TRUB1: variants seen among roughly 807,000 people sequenced by gnomAD.
TRUB1 encodes the protein TruB pseudouridine synthase family member 1.
In TRUB1, 23 loss-of-function variants were observed where a neutral mutation model predicts 33.9. The ratio of observed to expected loss-of-function variants is 0.68; its 90% CI spans 0.49 to 0.96. The LOEUF is 0.96. Among genes scored for constraint, TRUB1 ranks in the 40% least tolerant of loss-of-function variants. The pLI, the probability that TRUB1 is intolerant of heterozygous loss-of-function variation, is 0.00. For synonymous variants in TRUB1, 163 were observed against 165.4 expected (o/e 0.99, Z 0.11); for missense variants, 378 against 422.2 (o/e 0.90, Z 0.92).
At position 114,938,216 on chromosome 10, in the gene TRUB1, T is replaced by G. The variant is rs1465299328; in HGVS notation, c.-38T>G. 2 of 1,604,406 alleles carry G rather than the reference T, an allele frequency of 1.2e-6. No homozygotes were observed. The highest frequency in any genetic ancestry group is 2.2e-5 in the South Asian group (2 of 89,490). ...GCGCACTCTTGTTGCATCATCAGCG[T>G]GCACCTCCACGATGAAACAGGTCTG... On this transcript the variant is annotated 5_prime_UTR_variant, in exon 1 of 8. Coordinates refer to ENST00000298746, the MANE Select transcript of TRUB1 (RefSeq NM_139169.5).
chr10:114,948,844 T>C (rs74501219), intron 2 of TRUB1, among the ~76,000 whole-genome samples: 1 of 152,242 alleles, frequency 6.6e-6, no homozygotes, highest in Non-Finnish European at 1.5e-5. Flanking sequence ...CTGTGTTCAG[T>C]TGATAAACCT....
intron 2 of TRUB1, among the ~76,000 whole-genome samples, chr10:114,949,785 G>T (rs191906290): frequency 3.3e-5 from 5 of 152,072 alleles, no homozygotes; most frequent in Admixed American, 2.6e-4. Context: ...AGACCATTTG[G>T]TTTGAATCTT....
At chr10:114,952,204 C>T (rs1035981837) in intron 3 of TRUB1, among the ~76,000 whole-genome samples, 2 of 152,018 alleles carry the variant, frequency 1.3e-5, no homozygotes, top group East Asian at 1.9e-4. Context: ...TTTGGAAGGC[C>T]GAGGCGGGCA....
chr10:114,951,042 A>C, intron 2 of TRUB1, 52 bp from the exon 3 acceptor site: 1 of 1,502,778 alleles, frequency 6.7e-7, no homozygotes, highest in Non-Finnish European at 9.2e-7. Context: ...GCTATTTTAA[A>C]AACCTAGTTT....
At chr10:114,974,305 A>T in intron 6 of TRUB1, 24 bp from the exon 7 acceptor site, 1 of 1,600,142 alleles carries the variant, frequency 6.2e-7, no homozygotes, top group South Asian at 1.1e-5. Flanking sequence ...TTAGCAATTT[A>T]CTATGTCACT....
chr10:114,947,764 C>T (rs2084217333), intron 2 of TRUB1, among the ~76,000 whole-genome samples: 1 of 152,084 alleles, frequency 6.6e-6, no homozygotes, highest in South Asian at 2.1e-4. Flanking sequence ...TAACCATTTC[C>T]CTATTTGAGG....
chr10:114,972,359 C>T (rs887876684), intron 6 of TRUB1, 85 bp downstream of exon 6: 11 of 1,390,100 alleles, frequency 7.9e-6, no homozygotes, highest in East Asian at 4.9e-5. Flanking sequence ...TTAATAGATC[C>T]GTAGGATGTT....
intron 5 of TRUB1, among the ~76,000 whole-genome samples, chr10:114,971,577 T>G (rs1241164335): frequency 1.3e-5 from 2 of 152,166 alleles, no homozygotes; most frequent in African/African-American, 4.8e-5. Context: ...TTATTTATAT[T>G]TATGTATAAG....
intron 1 of TRUB1, among the ~76,000 whole-genome samples, chr10:114,938,921 A>G (rs536610480): frequency 6.6e-6 from 1 of 152,340 alleles, no homozygotes; most frequent in South Asian, 2.1e-4. Flanking sequence ...CTCAAAATGT[A>G]TTGGAAATGC....
intron 7 of TRUB1, 144 bp from the exon 8 acceptor site, chr10:114,974,979 G>C (rs765122708): frequency 1.9e-5 from 16 of 821,158 alleles, no homozygotes; most frequent in Non-Finnish European, 2.7e-5. Flanking sequence ...TTTATCTGAG[G>C]CCTCTTGGTT....
intron 2 of TRUB1, among the ~76,000 whole-genome samples, chr10:114,949,400 CTG>C (rs2084224437): frequency 6.6e-6 from 1 of 152,264 alleles, no homozygotes; most frequent in Non-Finnish European, 1.5e-5. Flanking sequence ...TGAGGACAGA[CTG>C]TTTTTGATCT....
intron 2 of TRUB1, among the ~76,000 whole-genome samples, chr10:114,948,662 C>T (rs1226797126): frequency 2.6e-5 from 4 of 152,198 alleles, no homozygotes; most frequent in Non-Finnish European, 5.9e-5. Flanking sequence ...CACCTCACTT[C>T]AATGGCATTT....
In TRUB1 at chr10:114,942,669, G is replaced by A; in HGVS notation, c.311G>A (p.Trp104Ter). ...LAEAGMPSPE[W>*]TKRKKQTLKI... ...GAAGCTGGAATGCCTTCTCCAGAAT[G>A]GACCAAGAGGAAAAAGCAGACTTTG... Residue 104 changes from tryptophan to a stop codon, truncating the protein, a stop_gained, in exon 2 of 8, where the codon TGG (tryptophan) becomes TAG (stop). Coordinates refer to ENST00000298746, the MANE Select transcript of TRUB1 (RefSeq NM_139169.5). LOFTEE classifies it high-confidence loss of function. 6.2e-7 allele frequency: 1 copy of A among 1,613,686 alleles called. No homozygotes were observed. The highest frequency in any genetic ancestry group is 2.2e-5 in the East Asian group (1 of 44,882).
At chr10:114,943,693 C>G (rs1193699883) in intron 2 of TRUB1, among the ~76,000 whole-genome samples, 1 of 152,162 alleles carries the variant, frequency 6.6e-6, no homozygotes. Context: ...AGCTTGTGCC[C>G]AGATTTCTCT....
intron 4 of TRUB1, among the ~76,000 whole-genome samples, chr10:114,968,345 C>G (rs566247512): frequency 1.7e-4 from 26 of 152,232 alleles, no homozygotes; most frequent in African/African-American, 6.0e-4. Context: ...AGTAGAGAGA[C>G]CAGCGTAGCA....
rs147458816 is a variant in TRUB1 at position 114,959,969 on chromosome 10, C to T, written c.523+162C>T. On this transcript the variant is annotated intron_variant, in intron 4 of 7. Coordinates refer to ENST00000298746, the MANE Select transcript of TRUB1 (RefSeq NM_139169.5). ...AAATTGTTTATCGCATTGTTGCTTA[C>T]TTGATAGGAGTTTTTGAATAAAGAT... 3.1e-3 allele frequency: 1,730 copies of T among 565,988 alleles called. 7 individuals are homozygous for T. Among genetic ancestry groups the T allele is most frequent in the Non-Finnish European group, 3.8e-3 (1,240 of 323,218 alleles). The allele number at this position is 565,988 out of a possible 1,614,324, so 35.1% of individuals were successfully genotyped here.
chr10:114,974,772 C>T (rs1211584525), intron 7 of TRUB1, among the ~76,000 whole-genome samples: 2 of 151,954 alleles, frequency 1.3e-5, no homozygotes, highest in African/African-American at 2.4e-5. Context: ...CAGAAGGTTT[C>T]GGTTCTGGCT....
At chr10:114,941,415 G>A (rs993696179) in intron 1 of TRUB1, among the ~76,000 whole-genome samples, 1 of 151,300 alleles carries the variant, frequency 6.6e-6, no homozygotes, top group East Asian at 1.9e-4. Context: ...TTGGCTTACT[G>A]CAACCTCTGC....
At position 114,972,783 on chromosome 10, in the gene TRUB1, A is replaced by G. The variant is rs572064448; in HGVS notation, c.736+509A>G. On this transcript the variant is annotated intron_variant, in intron 6 of 7. Coordinates refer to ENST00000298746, the MANE Select transcript of TRUB1 (RefSeq NM_139169.5). ...TTAAAGATCCTGCAAATATGGAAAA[A>G]CATGGGTAAGGCAGAAATGTATTCC... 1.2e-4 allele frequency among the ~76,000 whole-genome samples: 19 copies of G among 152,318 alleles called. 1 individual carries two copies. The South Asian group carries it at 2.7e-3, about 22-fold the overall frequency.
Sources: allele counts gnomAD v4.1 joint callset (sites outside exome capture counted in the v4.1 genomes callset), GRCh38; gene constraint gnomAD v4.1.1; transcripts MANE v1.5; gene names NCBI Gene and HGNC (gene_info 2026-07-23, HGNC 2026-07-21).